The following CADPS2 variants were observed in gnomAD, a reference collection of about 807,000 sequenced individuals.
CADPS2 encodes calcium dependent secretion activator 2.
Under a neutral mutation model 172.5 loss-of-function variants are expected in CADPS2, and 93 were observed. The ratio of observed to expected loss-of-function variants is 0.54; its 90% CI spans 0.46 to 0.64. CADPS2 has a LOEUF of 0.64. CADPS2 is among the 30% of genes least tolerant of loss of function. The pLI, the probability that CADPS2 is intolerant of heterozygous loss-of-function variation, is 0.00. For missense variants in CADPS2, 1,420 were observed against 1,565.9 expected (o/e 0.91, Z 1.57); for synonymous variants, 546 against 555.2 (o/e 0.98, Z 0.23).
chr7:122,657,600 GCTCT>G (rs1273243180), intron 3 of CADPS2, among the ~76,000 whole-genome samples: 1 of 151,960 alleles, frequency 6.6e-6, no homozygotes, highest in Non-Finnish European at 1.5e-5. Context: ...TTGTGATTTG[GCTCT>G]CTGTTTGTCT....
intron 2 of CADPS2, among the ~76,000 whole-genome samples, chr7:122,674,328 C>A (rs1472115815): frequency 6.6e-6 from 1 of 152,204 alleles, no homozygotes; most frequent in Non-Finnish European, 1.5e-5. Context: ...GAGTGGACAT[C>A]GAGGCTGAGG....
chr7:122,761,996 C>CAA (rs1163039605), intron 1 of CADPS2, among the ~76,000 whole-genome samples: 32 of 67,520 alleles, frequency 4.7e-4, no homozygotes, highest in African/African-American at 9.9e-4. Flanking sequence ...GACTCTGCCT[C>CAA]AAAAAAAAAA....
chr7:122,379,174 T>C (rs932414447), intron 25 of CADPS2, 194 bp downstream of exon 25: 9 of 425,540 alleles, frequency 2.1e-5, no homozygotes, highest in African/African-American at 4.1e-5. Flanking sequence ...ATTTATTATA[T>C]ACAAAAAAAC....
chr7:122,741,118 C>T (rs1416374821), intron 1 of CADPS2, among the ~76,000 whole-genome samples: 1 of 152,118 alleles, frequency 6.6e-6, no homozygotes, highest in Non-Finnish European at 1.5e-5. Context: ...AATTATGCCA[C>T]ATCTATAAAC....
At chr7:122,362,678 G>A (rs886429966) in intron 25 of CADPS2, among the ~76,000 whole-genome samples, 1 of 152,122 alleles carries the variant, frequency 6.6e-6, no homozygotes, top group African/African-American at 2.4e-5. Context: ...TGCTGACAAG[G>A]TTTTTTCAAT....
intron 15 of CADPS2, among the ~76,000 whole-genome samples, chr7:122,443,622 ATAGTT>A (rs1222642083): frequency 4.0e-5 from 6 of 149,082 alleles, no homozygotes; most frequent in South Asian, 2.1e-4. Context: ...ATATATACAC[ATAGTT>A]TAAAGAGGAA....
chr7:122,663,588 A>G lies in CADPS2; in HGVS notation c.454-19T>C. ...GAAAAACCTGAAAACAAAACAAAAC[A>G]AAACAAAACAAAAAACAATTACAAT... is the stretch of plus-strand genomic sequence containing the variant. On this transcript the variant is annotated intron_variant, in intron 2 of 29. Transcript: ENST00000449022. The G allele has an allele frequency of 6.5e-7, 1 of 1,529,844 alleles. No individual in the cohort carries two copies. Among genetic ancestry groups the G allele is most frequent in the Non-Finnish European group, 8.8e-7 (1 of 1,133,070 alleles). The allele number at this position is 1,529,844 out of a possible 1,614,324, so 94.8% of individuals were successfully genotyped here.
chr7:122,816,305 T>C (rs1483689666), intron 1 of CADPS2, among the ~76,000 whole-genome samples: 1 of 152,180 alleles, frequency 6.6e-6, no homozygotes, highest in Non-Finnish European at 1.5e-5. Flanking sequence ...TGTCTTTCTG[T>C]GTCTGGCTTA....
chr7:122,770,271 A>G (rs1562972528), intron 1 of CADPS2, among the ~76,000 whole-genome samples: 1 of 152,162 alleles, frequency 6.6e-6, no homozygotes, highest in East Asian at 1.9e-4. Flanking sequence ...TATCATGCAA[A>G]TCATGAAATC....
intron 11 of CADPS2, among the ~76,000 whole-genome samples, chr7:122,485,286 A>C (rs375142528): frequency 1.3e-5 from 2 of 152,380 alleles, no homozygotes; most frequent in African/African-American, 4.8e-5. Flanking sequence ...AGATAGGCTG[A>C]AAGCGAGGCC....
chr7:122,492,177 T>C (rs1224056597), intron 9 of CADPS2, among the ~76,000 whole-genome samples: 1 of 151,526 alleles, frequency 6.6e-6, no homozygotes, highest in Non-Finnish European at 1.5e-5. Context: ...ATCTCAAAAA[T>C]AAATAAATGA....
At chr7:122,864,231 A>G (rs1817709907) in intron 1 of CADPS2, among the ~76,000 whole-genome samples, 1 of 152,178 alleles carries the variant, frequency 6.6e-6, no homozygotes, top group African/African-American at 2.4e-5. Flanking sequence ...TATTTTCCCC[A>G]GAGTCATAAT....
At chr7:122,698,636 A>T (rs150170822) in intron 2 of CADPS2, 1 of 1,614,076 alleles carries the variant, frequency 6.2e-7, no homozygotes, top group Admixed American at 1.7e-5. Flanking sequence ...GAGTACTTTG[A>T]TCGGCTGAAA....
intron 8 of CADPS2, among the ~76,000 whole-genome samples, chr7:122,537,152 T>G (rs1211062703): frequency 6.6e-6 from 1 of 151,712 alleles, no homozygotes; most frequent in African/African-American, 2.4e-5. Flanking sequence ...AACCTACACT[T>G]GTACTCCAAT....
intron 1 of CADPS2, among the ~76,000 whole-genome samples, chr7:122,794,329 A>G (rs1280046261): frequency 6.6e-6 from 1 of 151,548 alleles, no homozygotes; most frequent in Non-Finnish European, 1.5e-5. Flanking sequence ...CTCTTGTCTA[A>G]TTGTCTTATT....
intron 1 of CADPS2, among the ~76,000 whole-genome samples, chr7:122,830,775 C>G (rs958455453): frequency 2.0e-5 from 3 of 152,104 alleles, no homozygotes; most frequent in African/African-American, 4.8e-5. Context: ...AACAAAATAT[C>G]TCTTTTAGCT....
chr7:122,682,047 C>G (rs1221486824), intron 2 of CADPS2, among the ~76,000 whole-genome samples: 2 of 151,996 alleles, frequency 1.3e-5, no homozygotes, highest in African/African-American at 2.4e-5. Flanking sequence ...AGTCTTTCTT[C>G]CTAGGTATTT....
rs1348442 is a variant in CADPS2 at position 122,320,353 on chromosome 7, T to G, written c.3718-15A>C. 0.37 allele frequency: 588,143 copies of G among 1,574,906 alleles called. 111,280 individuals carry two copies. Among genetic ancestry groups the G allele is most frequent in the Middle Eastern group, 0.45 (2,632 of 5,858 alleles). Reference sequence around the variant, plus strand: ...CTGTAGGTTTTCTGAAGAAAGAAGATAAAATTTGCTTAGCTCACTTAGATT... The same window carrying G: ...CTGTAGGTTTTCTGAAGAAAGAAGAGAAAATTTGCTTAGCTCACTTAGATT... On this transcript the variant is annotated splice_polypyrimidine_tract_variant and intron_variant, in intron 29 of 29. Transcript: ENST00000449022.
At chr7:122,669,101 T>C (rs2081490989) in intron 2 of CADPS2, among the ~76,000 whole-genome samples, 1 of 152,000 alleles carries the variant, frequency 6.6e-6, no homozygotes, top group Admixed American at 6.6e-5. Context: ...GAGGCCAAGG[T>C]AAGCAGATGG....
Sources: gnomAD v4.1 joint callset for allele counts (sites outside exome capture counted in the v4.1 genomes callset) on GRCh38, gnomAD v4.1.1 for gene constraint, MANE v1.5 for transcripts, NCBI Gene and HGNC (gene_info 2026-07-23, HGNC 2026-07-21) for gene names.